SAMD5: variants seen among roughly 807,000 people sequenced by gnomAD.
SAMD5 encodes the protein sterile alpha motif domain-containing protein 5.
A neutral mutation model predicts 11.3 loss-of-function variants in SAMD5; 13 were observed. The ratio of observed to expected loss-of-function variants is 1.15; its 90% CI spans 0.75 to 1.83. The LOEUF (loss-of-function observed/expected upper bound fraction) is 1.83, where lower values mean the gene tolerates loss of function less well. Among genes scored for constraint, SAMD5 ranks in the 40% most tolerant of loss-of-function variants. The pLI is 0.00. For missense variants in SAMD5, 255 were observed against 239.1 expected, an observed-to-expected ratio of 1.07 and a Z score of -0.44; for synonymous variants, 129 against 111.3, an observed-to-expected ratio of 1.16 and a Z score of -1.00.
chr6:147,571,879 T>C (rs777458532), downstream of SAMD5, among the ~76,000 whole-genome samples: 20 of 152,188 alleles, frequency 1.3e-4, no homozygotes, highest in Non-Finnish European at 1.5e-4. Flanking sequence ...CACTTCCTTT[T>C]ACACCTTCAG....
At chr6:147,953,971 A>G in the SAMD5 span, 1 of 152,226 alleles carries the variant, frequency 6.6e-6, no homozygotes, top group Non-Finnish European at 1.5e-5. Context: ...AGAAATTCTA[A>G]GTATATTTTT....
chr6:147,526,075 C>T (rs1788334473), intron 1 of SAMD5, among the ~76,000 whole-genome samples: 1 of 151,988 alleles, frequency 6.6e-6, no homozygotes, highest in Non-Finnish European at 1.5e-5. Context: ...GAAATGAATT[C>T]CTAGGGCAGA....
chr6:147,860,693 T>C, the SAMD5 span, among the ~76,000 whole-genome samples: 3 of 152,154 alleles, frequency 2.0e-5, no homozygotes, highest in African/African-American at 7.2e-5. Flanking sequence ...TACGAGAAGC[T>C]TGACCTAATA....
chr6:147,508,986 G>C lies in SAMD5; in HGVS notation c.58G>C (p.Glu20Gln). 1 of 1,601,932 alleles carries C rather than the reference G, an allele frequency of 6.2e-7. No individual in the cohort carries two copies. The highest frequency in any genetic ancestry group is 1.3e-5 in the African/African-American group (1 of 74,304). Residue 20 changes from glutamate (E) to glutamine (Q), a missense_variant, in exon 1 of 2, where the codon GAG becomes CAG. Coordinates refer to ENST00000367474, the MANE Select transcript of SAMD5 (RefSeq NM_001030060.3). ...AGCGCTGCAGCTTCCGCAGTACGCGGAGTCCTTCGTGGATAACGGCTACGA... is the reference window on the plus strand; with the variant it reads ...AGCGCTGCAGCTTCCGCAGTACGCGCAGTCCTTCGTGGATAACGGCTACGA... The part of the protein sequence containing the change: ...LKALQLPQYA[E>Q]SFVDNGYDDL...
At chr6:147,893,978 A>T in the SAMD5 span, among the ~76,000 whole-genome samples, 1 of 152,114 alleles carries the variant, frequency 6.6e-6, no homozygotes, top group African/African-American at 2.4e-5. Flanking sequence ...GTCATGCAAG[A>T]TTCTTCCAAA....
chr6:147,785,432 C>T, the SAMD5 span, among the ~76,000 whole-genome samples: 1 of 152,142 alleles, frequency 6.6e-6, no homozygotes, highest in African/African-American at 2.4e-5. Context: ...GGGTTTTTGA[C>T]ATTCACCTGA....
chr6:147,856,267 G>A, the SAMD5 span, among the ~76,000 whole-genome samples: 2 of 152,144 alleles, frequency 1.3e-5, no homozygotes, highest in African/African-American at 4.8e-5. Flanking sequence ...GTTGTCAACG[G>A]GTGGGTGTGG....
intron 1 of SAMD5, among the ~76,000 whole-genome samples, chr6:147,640,686 C>G (rs750785801): frequency 7.9e-5 from 12 of 152,140 alleles, no homozygotes; most frequent in Non-Finnish European, 1.8e-4. Context: ...CCATTTAAAA[C>G]AGGTTCAATG....
At chr6:147,515,077 C>T (rs910897743) in intron 1 of SAMD5, among the ~76,000 whole-genome samples, 16 of 150,188 alleles carry the variant, frequency 1.1e-4, no homozygotes, top group African/African-American at 2.7e-4. Flanking sequence ...ATTCCTTCTG[C>T]GTTCGTGACA....
chr6:147,693,811 A>G (rs1353122209), intron 1 of SAMD5, among the ~76,000 whole-genome samples: 3 of 152,160 alleles, frequency 2.0e-5, no homozygotes, highest in Non-Finnish European at 4.4e-5. Flanking sequence ...TCTACTAAAA[A>G]TACAAAAATT....
At chr6:147,868,954 A>G in the SAMD5 span, among the ~76,000 whole-genome samples, 2 of 152,222 alleles carry the variant, frequency 1.3e-5, no homozygotes, top group African/African-American at 4.8e-5. Flanking sequence ...TTTTCATATC[A>G]TAGATCATAA....
At chr6:147,546,956 T>C (rs1453857557) in intron 1 of SAMD5, among the ~76,000 whole-genome samples, 1 of 152,196 alleles carries the variant, frequency 6.6e-6, no homozygotes, top group Non-Finnish European at 1.5e-5. Flanking sequence ...TTTAGAGTAG[T>C]TGATGGCCTC....
At chr6:147,939,453 T>C in the SAMD5 span, among the ~76,000 whole-genome samples, 1 of 152,164 alleles carries the variant, frequency 6.6e-6, no homozygotes, top group Non-Finnish European at 1.5e-5. Context: ...CCTCACTTTA[T>C]CTAGGGACCA....
At chr6:147,925,309 G>A in the SAMD5 span, among the ~76,000 whole-genome samples, 12 of 152,230 alleles carry the variant, frequency 7.9e-5, no homozygotes, top group African/African-American at 2.2e-4. Flanking sequence ...GATCCTTCCC[G>A]GGAACTGAGT....
At chr6:147,919,076 G>A in the SAMD5 span, among the ~76,000 whole-genome samples, 1 of 152,164 alleles carries the variant, frequency 6.6e-6, no homozygotes, top group South Asian at 2.1e-4. Flanking sequence ...ATCCAATCTA[G>A]GGATGGGGAG....
At chr6:147,889,738 C>T in the SAMD5 span, among the ~76,000 whole-genome samples, 1 of 152,322 alleles carries the variant, frequency 6.6e-6, no homozygotes, top group South Asian at 2.1e-4. Context: ...CACACTACTC[C>T]TGGGCTCTGT....
intron 1 of SAMD5, among the ~76,000 whole-genome samples, chr6:147,674,569 A>G (rs1279322927): frequency 6.6e-6 from 1 of 152,178 alleles, no homozygotes; most frequent in Non-Finnish European, 1.5e-5. Context: ...CACTGTTTGT[A>G]TAGGACTTCC....
intron 1 of SAMD5, among the ~76,000 whole-genome samples, chr6:147,597,240 C>T (rs1562329625): frequency 6.6e-6 from 1 of 152,168 alleles, no homozygotes; most frequent in Non-Finnish European, 1.5e-5. Flanking sequence ...CCTAAGAGTA[C>T]AGCTGTCTGA....
chr6:147,817,759 G>C, the SAMD5 span, among the ~76,000 whole-genome samples: 2 of 152,174 alleles, frequency 1.3e-5, no homozygotes, highest in Admixed American at 1.3e-4. Context: ...TCAGAGCCCA[G>C]TGCCCCTGTC....
Sources: gnomAD v4.1 joint callset for allele counts (sites outside exome capture counted in the v4.1 genomes callset) on GRCh38, gnomAD v4.1.1 for gene constraint, MANE v1.5 for transcripts, NCBI Gene and HGNC (gene_info 2026-07-23, HGNC 2026-07-21) for gene names.